Variants in MCPH1 observed in about 807,000 individuals in gnomAD.
MCPH1 encodes the protein microcephalin.
Under a neutral mutation model 84.5 loss-of-function variants are expected in MCPH1, and 104 were observed. That is an observed-to-expected ratio of 1.23 (90% CI 1.05 to 1.45). The LOEUF (loss-of-function observed/expected upper bound fraction) is 1.45. Among genes scored for constraint, MCPH1 ranks in the 40% most tolerant of loss-of-function variants. The probability of loss-of-function intolerance (pLI) is 0.00; values close to 1 mark genes in which losing one functional copy is unlikely to be tolerated. For synonymous variants in MCPH1, 514 were observed against 366.8 expected, an observed-to-expected ratio of 1.40 and a Z score of -4.58; for missense variants, 1,498 against 1,005.7, an observed-to-expected ratio of 1.49 and a Z score of -6.62.
chr8:6,606,366 C>T (rs893041187), intron 12 of MCPH1, among the ~76,000 whole-genome samples: 2 of 152,128 alleles, frequency 1.3e-5, no homozygotes, highest in African/African-American at 4.8e-5. Flanking sequence ...TGAAAATTCC[C>T]AACAGTCCGT....
intron 12 of MCPH1, among the ~76,000 whole-genome samples, chr8:6,535,027 G>A (rs1369553113): frequency 1.3e-5 from 2 of 152,148 alleles, no homozygotes; most frequent in African/African-American, 4.8e-5. Flanking sequence ...GTTTCATTCC[G>A]GGAGGCTTGG....
intron 12 of MCPH1, among the ~76,000 whole-genome samples, chr8:6,593,972 G>A (rs1828722464): frequency 6.6e-6 from 1 of 152,228 alleles, no homozygotes; most frequent in African/African-American, 2.4e-5. Flanking sequence ...AAGGCTGGTG[G>A]TGAGCTCCAG....
chr8:6,486,768 A>C (rs7000599), intron 11 of MCPH1, among the ~76,000 whole-genome samples: 8 of 152,202 alleles, frequency 5.3e-5, no homozygotes, highest in African/African-American at 1.9e-4. Flanking sequence ...TATGGGAGAC[A>C]GGAAGTAACA....
In MCPH1 at chr8:6,499,848, G is replaced by A. The variant is rs1169773642; in HGVS notation, c.2137-4G>A. ...AATAAATCTGCTTGTTGTGTCACTT[G>A]CAGGTGCTATGGTCTTTAGAATTGG... On this transcript the variant is annotated splice_polypyrimidine_tract_variant and splice_region_variant and intron_variant, in intron 11 of 13. Transcript: ENST00000344683. The A allele has an allele frequency of 1.9e-6, 3 of 1,612,544 alleles. No homozygotes were observed. In the African/African-American group the frequency reaches 4.0e-5, roughly 22 times the overall value.
intron 9 of MCPH1, among the ~76,000 whole-genome samples, chr8:6,469,217 A>G (rs947858238): frequency 7.9e-5 from 12 of 152,166 alleles, no homozygotes; most frequent in Middle Eastern, 6.8e-3. Flanking sequence ...TTTAGTCTCA[A>G]TTTTCTACAC....
intron 11 of MCPH1, among the ~76,000 whole-genome samples, chr8:6,494,823 G>A (rs909471776): frequency 1.3e-5 from 2 of 152,158 alleles, no homozygotes; most frequent in Non-Finnish European, 2.9e-5. Context: ...ACTAGAAAGA[G>A]GAGCTGGTTG....
intron 12 of MCPH1, among the ~76,000 whole-genome samples, chr8:6,512,430 G>A (rs1369437739): frequency 2.0e-5 from 3 of 152,190 alleles, no homozygotes; most frequent in African/African-American, 7.2e-5. Flanking sequence ...GTCAGATGAT[G>A]ACTGTTTTTG....
At chr8:6,431,749 AG>A (rs1801875431) in intron 4 of MCPH1, among the ~76,000 whole-genome samples, 163 bp downstream of exon 4, 1 of 152,128 alleles carries the variant, frequency 6.6e-6, no homozygotes, top group African/African-American at 2.4e-5. Context: ...TGAATTACAG[AG>A]ATTATTTTAT....
At chr8:6,407,094 C>G (rs751581557) in intron 1 of MCPH1, 3 of 325,040 alleles carry the variant, frequency 9.2e-6, no homozygotes, top group Non-Finnish European at 1.8e-5. Flanking sequence ...GCTTTCACCC[C>G]TGCTGCCTTA....
intron 9 of MCPH1, among the ~76,000 whole-genome samples, chr8:6,468,788 A>G (rs1353233838): frequency 6.6e-6 from 1 of 152,110 alleles, no homozygotes; most frequent in Admixed American, 6.5e-5. Flanking sequence ...TTTTTAGAAA[A>G]ACAAAGCAAC....
chr8:6,522,224 G>T (rs1239749049), intron 12 of MCPH1, among the ~76,000 whole-genome samples: 4 of 152,114 alleles, frequency 2.6e-5, no homozygotes, highest in African/African-American at 9.6e-5. Context: ...GCGTGGTGGC[G>T]GGCGCCTGTA....
chr8:6,600,257 T>C (rs1324927278), intron 12 of MCPH1, among the ~76,000 whole-genome samples: 1 of 152,232 alleles, frequency 6.6e-6, no homozygotes, highest in Non-Finnish European at 1.5e-5. Flanking sequence ...CTTCTAATAG[T>C]GCTTAGTCAG....
intron 12 of MCPH1, chr8:6,617,054 T>G (rs1830867662): frequency 6.6e-6 from 1 of 152,076 alleles, no homozygotes; most frequent in Non-Finnish European, 1.5e-5. Flanking sequence ...GGGCAGGAAA[T>G]GAATTCTGTC....
chr8:6,505,301 A>ACATAGAGT (rs1563305849), intron 12 of MCPH1, among the ~76,000 whole-genome samples: 23 of 80,420 alleles, frequency 2.9e-4, no homozygotes, highest in African/African-American at 1.5e-3. Context: ...ATACATATAT[A>ACATAGAGT]TGTATATAAC....
Position 6,609,476 on chromosome 8 carries a change from T to C in MCPH1, c.2215-11978T>C, listed in dbSNP as rs1405089672. ...AGCCTTAAAAGAAAAAAACCTCAAA[T>C]GATGCTTTAAAAAAATCCAAGTTTG... On this transcript the variant is annotated intron_variant, in intron 12 of 13. Transcript: ENST00000344683. Among the ~76,000 whole-genome samples the C allele has an allele frequency of 2.6e-5, 4 of 152,200 alleles. No individual in the cohort carries two copies. In the East Asian group the frequency reaches 7.7e-4, roughly 29 times the overall value.
intron 2 of MCPH1, among the ~76,000 whole-genome samples, chr8:6,409,821 C>T (rs557760094): frequency 1.6e-4 from 24 of 152,030 alleles, no homozygotes; most frequent in African/African-American, 5.3e-4. Flanking sequence ...GTGTGGACAT[C>T]GTCCCATGTC....
intron 3 of MCPH1, among the ~76,000 whole-genome samples, chr8:6,423,539 A>G (rs528164676): frequency 3.3e-5 from 5 of 152,290 alleles, no homozygotes; most frequent in South Asian, 4.1e-4. Flanking sequence ...CTTTATATAT[A>G]TAAGAATATT....
chr8:6,449,413 CACTTG>C (rs1804811566), intron 8 of MCPH1, among the ~76,000 whole-genome samples: 1 of 152,128 alleles, frequency 6.6e-6, no homozygotes, highest in African/African-American at 2.4e-5. Flanking sequence ...GTAGGTGGAT[CACTTG>C]AGGTCAGGAG....
intron 12 of MCPH1, among the ~76,000 whole-genome samples, chr8:6,526,601 C>G (rs1563347231): frequency 2.6e-5 from 4 of 152,146 alleles, no homozygotes; most frequent in Admixed American, 2.6e-4. Flanking sequence ...TCAATAATGA[C>G]TTAAACTTGG....
Sources: gnomAD v4.1 joint callset for allele counts (sites outside exome capture counted in the v4.1 genomes callset) on GRCh38, gnomAD v4.1.1 for gene constraint, MANE v1.5 for transcripts, NCBI Gene and HGNC (gene_info 2026-07-23, HGNC 2026-07-21) for gene names.